Variants in XKR4 observed in about 807,000 individuals in gnomAD.
XKR4 encodes the protein XK related 4.
XKR4 carries 12 observed loss-of-function variants against 53.9 expected under a neutral mutation model. The ratio of observed to expected loss-of-function variants is 0.22; its 90% CI spans 0.14 to 0.36. The LOEUF is 0.36. XKR4 is among the 10% of genes least tolerant of loss of function. XKR4 has a pLI of 1.00. For synonymous variants in XKR4, 354 were observed against 362.4 expected, an observed-to-expected ratio of 0.98 and a Z score of 0.26; for missense variants, 799 against 859.5, an observed-to-expected ratio of 0.93 and a Z score of 0.88.
rs149486457 is a variant in XKR4 at position 55,238,213 on chromosome 8, C to T, written c.807-119465C>T. Reference sequence around the variant, plus strand: ...CCACCCAGCCACATGTACAGCTATGCGCCAAGAGGCCAATGATACCATTCT... The same window carrying T: ...CCACCCAGCCACATGTACAGCTATGTGCCAAGAGGCCAATGATACCATTCT... On this transcript the variant is annotated intron_variant, in intron 1 of 2. Coordinates refer to ENST00000327381, the MANE Select transcript of XKR4 (RefSeq NM_052898.2). 3.7e-3 allele frequency among the ~76,000 whole-genome samples: 559 copies of T among 152,286 alleles called. 4 individuals are homozygous for T. Among genetic ancestry groups the T allele is most frequent in the Non-Finnish European group, 6.1e-3 (413 of 68,026 alleles).
rs2658884 is a variant in XKR4, at chr8:55,506,353, T to G, written c.1007-16928T>G. ...AAAATCAGATACCAGCCACAAGGTT[T>G]CCCACTCAAGACCTCAGCCAGAAGG... is the stretch of plus-strand genomic sequence containing the variant. On this transcript the variant is annotated intron_variant, in intron 2 of 2. Transcript: ENST00000327381. Among the ~76,000 whole-genome samples, 493 of 152,278 alleles carry G rather than the reference T, an allele frequency of 3.2e-3. 3 individuals carry two copies. Among genetic ancestry groups the G allele is most frequent in the Non-Finnish European group, 5.0e-3 (340 of 68,014 alleles).
intron 1 of XKR4, among the ~76,000 whole-genome samples, chr8:55,353,356 C>A (rs1372074234): frequency 6.6e-6 from 1 of 152,162 alleles, no homozygotes; most frequent in Non-Finnish European, 1.5e-5. Flanking sequence ...GAAACAGACA[C>A]ACACACAGGG....
intron 1 of XKR4, among the ~76,000 whole-genome samples, chr8:55,181,147 C>T (rs1563476830): frequency 6.6e-6 from 1 of 152,118 alleles, no homozygotes; most frequent in Non-Finnish European, 1.5e-5. Flanking sequence ...TTTAGGACAC[C>T]TACTCTGGTT....
intron 2 of XKR4, among the ~76,000 whole-genome samples, chr8:55,448,952 A>T (rs763537462): frequency 6.6e-6 from 1 of 152,192 alleles, no homozygotes; most frequent in Non-Finnish European, 1.5e-5. Flanking sequence ...GAGGCCTTAC[A>T]TATCTAAAAG....
rs1806877943 is a variant in XKR4, at chr8:55,526,046, A to T, written c.*1819A>T. On this transcript the variant is annotated 3_prime_UTR_variant, in exon 3 of 3. Transcript: ENST00000327381. ...ATCAAAGATGTAAATGATTACTTTC[A>T]TCCATCCATTATAACAAACCTGACC... 1 of 152,670 alleles carries T rather than the reference A, an allele frequency of 6.6e-6. No homozygotes were observed. Among genetic ancestry groups the T allele is most frequent in the Non-Finnish European group, 1.5e-5 (1 of 68,048 alleles). The allele number at this position is 152,670 out of a possible 1,614,324, so 9.5% of individuals were successfully genotyped here.
intron 1 of XKR4, among the ~76,000 whole-genome samples, chr8:55,143,145 C>T (rs1394983297): frequency 6.6e-6 from 1 of 152,186 alleles, no homozygotes; most frequent in Non-Finnish European, 1.5e-5. Flanking sequence ...TGCAGATTTG[C>T]CAAATCACTC....
At chr8:55,330,934 C>T (rs1470058184) in intron 1 of XKR4, among the ~76,000 whole-genome samples, 1 of 151,982 alleles carries the variant, frequency 6.6e-6, no homozygotes, top group Non-Finnish European at 1.5e-5. Flanking sequence ...GCTGTACAAT[C>T]TTTTTTTATT....
chr8:55,153,997 G>C (rs889780047), intron 1 of XKR4, among the ~76,000 whole-genome samples: 4 of 152,142 alleles, frequency 2.6e-5, no homozygotes, highest in African/African-American at 9.7e-5. Flanking sequence ...CATTGCTCTT[G>C]ATCTTCCTAC....
chr8:55,237,274 G>A (rs1237655336), intron 1 of XKR4, among the ~76,000 whole-genome samples: 1 of 152,168 alleles, frequency 6.6e-6, no homozygotes, highest in Non-Finnish European at 1.5e-5. Flanking sequence ...AAATTCACAT[G>A]TATCATTTGC....
chr8:55,353,312 C>T (rs1036072247), intron 1 of XKR4, among the ~76,000 whole-genome samples: 1 of 152,134 alleles, frequency 6.6e-6, no homozygotes, highest in Non-Finnish European at 1.5e-5. Context: ...ATCAGTATGA[C>T]TGTGTAGTTA....
chr8:55,393,440 AAGGAAGG>A (rs1804472123), intron 2 of XKR4, among the ~76,000 whole-genome samples: 1 of 151,156 alleles, frequency 6.6e-6, no homozygotes, highest in South Asian at 2.1e-4. Context: ...GGAAGGAAGG[AAGGAAGG>A]AAGGAAGGAA....
At chr8:55,287,479 C>T (rs1818924293) in intron 1 of XKR4, among the ~76,000 whole-genome samples, 1 of 152,240 alleles carries the variant, frequency 6.6e-6, no homozygotes. Flanking sequence ...GTTTCAGCTT[C>T]TCCTAAGAGG....
intron 1 of XKR4, among the ~76,000 whole-genome samples, chr8:55,220,299 G>GTAACGA: frequency 6.6e-6 from 1 of 152,134 alleles, no homozygotes; most frequent in African/African-American, 2.4e-5. Context: ...ATAAACAAAT[G>GTAACGA]ATTAAGTGTA....
At chr8:55,321,560 T>G (rs1250394575) in intron 1 of XKR4, among the ~76,000 whole-genome samples, 3 of 152,254 alleles carry the variant, frequency 2.0e-5, no homozygotes, top group African/African-American at 7.2e-5. Context: ...CTTCATAGTC[T>G]GTCTTCCTTG....
intron 2 of XKR4, among the ~76,000 whole-genome samples, chr8:55,376,200 G>A (rs1337945556): frequency 6.6e-6 from 1 of 152,154 alleles, no homozygotes; most frequent in African/African-American, 2.4e-5. Context: ...ACATGTGCAT[G>A]TATCTTTGCA....
intron 1 of XKR4, among the ~76,000 whole-genome samples, chr8:55,296,431 T>C (rs1278221198): frequency 6.6e-6 from 1 of 152,198 alleles, no homozygotes; most frequent in Non-Finnish European, 1.5e-5. Flanking sequence ...GCTAATGGTT[T>C]CCTTCATAAT....
chr8:55,332,646 G>A (rs1032022422), intron 1 of XKR4, among the ~76,000 whole-genome samples: 2 of 151,944 alleles, frequency 1.3e-5, no homozygotes, highest in Admixed American at 6.6e-5. Flanking sequence ...TGTCTGCAAG[G>A]TTTCAGCTAA....
At chr8:55,391,451 A>T (rs1804441366) in intron 2 of XKR4, among the ~76,000 whole-genome samples, 1 of 152,228 alleles carries the variant, frequency 6.6e-6, no homozygotes, top group African/African-American at 2.4e-5. Context: ...AAAGAGAAAG[A>T]AATCTGTGTT....
chr8:55,431,236 G>A (rs1392921957), intron 2 of XKR4, among the ~76,000 whole-genome samples: 1 of 152,154 alleles, frequency 6.6e-6, no homozygotes. Flanking sequence ...TGTCAGAAGA[G>A]GGAAAAAATA....
Sources: gnomAD v4.1 joint callset for allele counts (sites outside exome capture counted in the v4.1 genomes callset) on GRCh38, gnomAD v4.1.1 for gene constraint, MANE v1.5 for transcripts, NCBI Gene and HGNC (gene_info 2026-07-23, HGNC 2026-07-21) for gene names.